The following DLG2 variants were observed in gnomAD, a reference collection of about 807,000 sequenced individuals.
DLG2 encodes disks large homolog 2.
In DLG2, 45 loss-of-function variants were observed where a neutral mutation model predicts 132.5. The ratio of observed to expected loss-of-function variants is 0.34; its 90% CI spans 0.27 to 0.44. DLG2 has a LOEUF of 0.44. DLG2 is among the 20% of genes least tolerant of loss of function. The pLI is 1.00. For missense variants in DLG2, 1,045 were observed against 1,196.9 expected, an observed-to-expected ratio of 0.87 and a Z score of 1.87; for synonymous variants, 424 against 419.6, an observed-to-expected ratio of 1.01 and a Z score of -0.13.
intron 18 of DLG2, among the ~76,000 whole-genome samples, chr11:83,749,201 T>C (rs1054693483): frequency 4.6e-5 from 7 of 152,198 alleles, no homozygotes; most frequent in Admixed American, 1.3e-4. Context: ...TGGAGAGCCA[T>C]AGAATCAGGT....
intron 19 of DLG2, among the ~76,000 whole-genome samples, chr11:83,553,509 T>C (rs994059875): frequency 3.3e-5 from 5 of 149,838 alleles, no homozygotes; most frequent in Non-Finnish European, 7.4e-5. Context: ...TGTGTGTGTG[T>C]GTGTGTGTGT....
chr11:84,033,937 C>T (rs1250096916), intron 11 of DLG2, among the ~76,000 whole-genome samples: 5 of 151,966 alleles, frequency 3.3e-5, no homozygotes, highest in East Asian at 1.9e-4. Flanking sequence ...AACAGTTAGC[C>T]GGGCATGTTG....
At chr11:85,492,047 T>C (rs543430704) in intron 3 of DLG2, among the ~76,000 whole-genome samples, 1 of 152,080 alleles carries the variant, frequency 6.6e-6, no homozygotes, top group Non-Finnish European at 1.5e-5. Flanking sequence ...GCCAGACACA[T>C]AAATCAATGG....
At chr11:84,407,157 T>C (rs781669247) in intron 7 of DLG2, among the ~76,000 whole-genome samples, 2 of 152,218 alleles carry the variant, frequency 1.3e-5, no homozygotes, top group African/African-American at 4.8e-5. Flanking sequence ...CTTCTCTGCC[T>C]GAATCTCTCT....
At chr11:84,007,138 T>C (rs2094608321) in intron 11 of DLG2, among the ~76,000 whole-genome samples, 1 of 151,652 alleles carries the variant, frequency 6.6e-6, no homozygotes, top group South Asian at 2.1e-4. Flanking sequence ...GAGTGGAAGT[T>C]ATGTAATTGA....
intron 4 of DLG2, among the ~76,000 whole-genome samples, chr11:85,247,470 T>C (rs189621207): frequency 1.1e-4 from 16 of 152,144 alleles, no homozygotes; most frequent in African/African-American, 3.9e-4. Flanking sequence ...TCCTAAACCC[T>C]GATACTTCCT....
intron 15 of DLG2, among the ~76,000 whole-genome samples, chr11:83,915,571 TTTATTTGAATAAC>T (rs563266906): frequency 1.2e-4 from 18 of 152,200 alleles, no homozygotes; most frequent in Non-Finnish European, 2.5e-4. Context: ...TTCTGAATAA[TTTATTTGAATAAC>T]CTTTCATAGA....
At chr11:84,970,816 T>C (rs573696703) in intron 6 of DLG2, among the ~76,000 whole-genome samples, 2 of 152,166 alleles carry the variant, frequency 1.3e-5, no homozygotes, top group Non-Finnish European at 2.9e-5. Flanking sequence ...ATATCCTATT[T>C]AGCAAAATAT....
At chr11:83,711,349 T>A (rs1046379521) in intron 18 of DLG2, among the ~76,000 whole-genome samples, 5 of 152,172 alleles carry the variant, frequency 3.3e-5, no homozygotes, top group Admixed American at 1.3e-4. Context: ...TCCCAGCATT[T>A]CCCCTCACTT....
chr11:85,268,576 C>G (rs959194719), intron 4 of DLG2, among the ~76,000 whole-genome samples: 7 of 152,148 alleles, frequency 4.6e-5, no homozygotes, highest in Non-Finnish European at 7.3e-5. Flanking sequence ...CTAAATTAAG[C>G]GAGACTCATC....
At chr11:83,501,048 C>T (rs1336538858) in intron 21 of DLG2, among the ~76,000 whole-genome samples, 1 of 152,064 alleles carries the variant, frequency 6.6e-6, no homozygotes, top group African/African-American at 2.4e-5. Flanking sequence ...ACCTTTATTC[C>T]CTACTTTGCT....
intron 9 of DLG2, among the ~76,000 whole-genome samples, chr11:84,122,138 T>C (rs763243037): frequency 1.8e-4 from 28 of 151,576 alleles, no homozygotes; most frequent in Non-Finnish European, 3.2e-4. Flanking sequence ...CTGGCCAACA[T>C]AGTGAAACCC....
At position 85,538,931 on chromosome 11, in the gene DLG2, A is replaced by G. The variant is rs141146076; in HGVS notation, c.40+59726T>C. Among the ~76,000 whole-genome samples the G allele has an allele frequency of 7.9e-5, 12 of 151,898 alleles. No homozygotes were observed. The East Asian group carries it at 2.3e-3, about 29-fold the overall frequency. ...GATGGGTTGATAGGTGCAGCAAAAC[A>G]CCATGGCACATATTTAAATATGTGA... is the stretch of plus-strand genomic sequence containing the variant. On this transcript the variant is annotated intron_variant, in intron 3 of 27. Coordinates refer to ENST00000376104, the MANE Select transcript of DLG2 (RefSeq NM_001142699.3).
rs1014768916 is a variant in DLG2, at chr11:84,470,924, T to C, written c.519+63646A>G. Among the ~76,000 whole-genome samples the C allele has an allele frequency of 8.6e-5, 13 of 151,868 alleles. 1 individual carries two copies. Among genetic ancestry groups the C allele is most frequent in the African/African-American group, 3.1e-4 (13 of 41,398 alleles). The stretch of plus-strand genomic sequence containing the variant: ...AATATATGTATTTTCAGGACAAAGA[T>C]GGGCATTCCTGGCACTAAGACAGAC... On this transcript the variant is annotated intron_variant, in intron 7 of 27. Transcript: ENST00000376104.
At chr11:84,777,308 T>TACAC (rs2070805731) in intron 6 of DLG2, among the ~76,000 whole-genome samples, 1 of 135,218 alleles carries the variant, frequency 7.4e-6, no homozygotes, top group South Asian at 2.4e-4. Context: ...TATATATATA[T>TACAC]ATATATATAT....
intron 6 of DLG2, among the ~76,000 whole-genome samples, chr11:84,709,770 C>T (rs1432310175): frequency 6.6e-6 from 1 of 151,906 alleles, no homozygotes; most frequent in Non-Finnish European, 1.5e-5. Context: ...GGAAGGCACA[C>T]CTTCAATGCC....
intron 15 of DLG2, among the ~76,000 whole-genome samples, chr11:83,927,513 G>C (rs1336109068): frequency 2.6e-5 from 4 of 152,124 alleles, no homozygotes; most frequent in African/African-American, 9.7e-5. Flanking sequence ...AAACACTTGA[G>C]ACTAGAAGAG....
chr11:84,430,015 A>G (rs1187581648), intron 7 of DLG2, among the ~76,000 whole-genome samples: 1 of 152,240 alleles, frequency 6.6e-6, no homozygotes, highest in African/African-American at 2.4e-5. Context: ...TTTAAAGAAG[A>G]ACATAAAATA....
intron 3 of DLG2, among the ~76,000 whole-genome samples, chr11:85,449,790 GTT>G (rs60329092): frequency 6.9e-6 from 1 of 144,520 alleles, no homozygotes; most frequent in South Asian, 2.2e-4. Context: ...ACTACCTAAA[GTT>G]TTTTTTTTTT....
Sources: gnomAD v4.1 joint callset for allele counts (sites outside exome capture counted in the v4.1 genomes callset) on GRCh38, gnomAD v4.1.1 for gene constraint, MANE v1.5 for transcripts, NCBI Gene and HGNC (gene_info 2026-07-23, HGNC 2026-07-21) for gene names.